The following GAA variants were observed in gnomAD, a reference collection of about 807,000 sequenced individuals.
GAA encodes lysosomal alpha-glucosidase.
In GAA, 88 loss-of-function variants were observed where a neutral mutation model predicts 103.9. The observed-to-expected ratio is 0.85, with a 90% CI of 0.71 to 1.01. The LOEUF is 1.01. GAA is among the 50% of genes least tolerant of loss of function. GAA has a pLI of 0.00. For synonymous variants in GAA, 572 were observed against 563.1 expected, an observed-to-expected ratio of 1.02 and a Z score of -0.22; for missense variants, 1,350 against 1,305.3, an observed-to-expected ratio of 1.03 and a Z score of -0.53.
chr17:80,109,770 G>A (rs1437753031), intron 8 of GAA, among the ~76,000 whole-genome samples, 175 bp from the exon 9 acceptor site: 2 of 152,204 alleles, frequency 1.3e-5, no homozygotes, highest in Non-Finnish European at 2.9e-5. Flanking sequence ...TGACTCGCCC[G>A]GCCCTGGCTC....
At position 80,104,959 on chromosome 17, in the gene GAA, C is replaced by T; in HGVS notation, c.373C>T (p.Pro125Ser). ...QGLQGAQMGQPWCFFPPSYPS... is the reference protein window; with the variant it reads ...QGLQGAQMGQSWCFFPPSYPS... ...GCTGCAGGGAGCCCAGATGGGGCAGCCCTGGTGCTTCTTCCCACCCAGCTA... is the reference window on the plus strand; with the variant it reads ...GCTGCAGGGAGCCCAGATGGGGCAGTCCTGGTGCTTCTTCCCACCCAGCTA... The change falls in exon 2 of 20, where the codon CCC becomes TCC. Residue 125 changes from proline to serine, a missense_variant. Transcript: ENST00000302262. The surrounding 1 kb of genome is among the most constrained non-coding windows in gnomAD (Gnocchi z 4.0). 6.2e-7 allele frequency: 1 copy of T among 1,612,526 alleles called. No individual in the cohort carries two copies. Among genetic ancestry groups the T allele is most frequent in the South Asian group, 1.1e-5 (1 of 91,060 alleles).
intron 12 of GAA, 26 bp from the exon 13 acceptor site, chr17:80,112,552 C>A: frequency 1.9e-6 from 3 of 1,612,750 alleles, no homozygotes; most frequent in Non-Finnish European, 2.5e-6. Flanking sequence ...TCCACACAGC[C>A]CTCACGGTGT....
chr17:80,107,423 G>A (rs2039112207), intron 3 of GAA, 134 bp from the exon 4 acceptor site: 2 of 1,152,736 alleles, frequency 1.7e-6, no homozygotes, highest in Non-Finnish European at 1.3e-6. Context: ...CCTGTCCCAG[G>A]GTCAGTGTGC....
chr17:80,108,598 C>A lies in GAA; in HGVS notation c.1185C>A (p.His395Gln). Residue 395 changes from histidine (H) to glutamine (Q), a missense_variant, in exon 7 of 20, where the codon CAC (histidine) becomes CAA (glutamine). Coordinates refer to ENST00000302262, the MANE Select transcript of GAA (RefSeq NM_000152.5). ...TGGTGGAGAACATGACCAGGGCCCACTTCCCCCTGGTGAGTTGGGGTGGTG... is the reference window on the plus strand; with the variant it reads ...TGGTGGAGAACATGACCAGGGCCCAATTCCCCCTGGTGAGTTGGGGTGGTG... The part of the protein sequence containing the change: ...RQVVENMTRA[H>Q]FPLDVQWNDL... The A allele has an allele frequency of 6.2e-7, 1 of 1,612,840 alleles. No individual in the cohort carries two copies.
chr17:80,111,850 GC>G (rs2039242889), intron 11 of GAA, 132 bp from the exon 12 acceptor site: 1 of 697,812 alleles, frequency 1.4e-6, no homozygotes, highest in African/African-American at 1.7e-5. Context: ...GGGAGCGGCT[GC>G]AGGTGCACCT....
chr17:80,112,574 C>T lies in GAA; in HGVS notation c.1755-4C>T, dbSNP rs2039261117. The T allele has an allele frequency of 6.2e-7, 1 of 1,612,854 alleles. No individual in the cohort carries two copies. The highest frequency in any genetic ancestry group is 8.5e-7 in the Non-Finnish European group (1 of 1,179,948). ...AGCCCTCACGGTGTCCCCCACCACC[C>T]CAGGGCGCTGGTGAAGGCTCGGGGG... is the stretch of plus-strand genomic sequence containing the variant. On this transcript the variant is annotated splice_region_variant and splice_polypyrimidine_tract_variant and intron_variant, in intron 12 of 19. Transcript: ENST00000302262.
intron 17 of GAA, 61 bp downstream of exon 17, chr17:80,117,810 C>A: frequency 6.6e-7 from 1 of 1,522,218 alleles, no homozygotes; most frequent in Non-Finnish European, 8.8e-7. Flanking sequence ...CTGGGGGAGG[C>A]ACAGGGAGAT....
rs780674083 is a variant in GAA, at chr17:80,108,722, A to G, written c.1220A>G (p.Tyr407Cys). The stretch of plus-strand genomic sequence containing the variant: ...GACGTCCAGTGGAACGACCTGGACT[A>G]CATGGACTCCCGGAGGGACTTCACG... Reference protein sequence around the residue: ...PLDVQWNDLDYMDSRRDFTFN... With the variant: ...PLDVQWNDLDCMDSRRDFTFN... Residue 407 changes from tyrosine (Y) to cysteine (C), a missense_variant, in exon 8 of 20, where the codon TAC (tyrosine) becomes TGC (cysteine). Transcript: ENST00000302262. 2.5e-6 allele frequency: 4 copies of G among 1,612,586 alleles called. No homozygotes were observed. The Admixed American group carries it at 6.7e-5, about 27-fold the overall frequency.
At chr17:80,116,841 A>C in intron 15 of GAA, 127 bp from the exon 16 acceptor site, 1 of 1,059,148 alleles carries the variant, frequency 9.4e-7, no homozygotes, top group Admixed American at 1.8e-5. Context: ...GAGTCCTCCA[A>C]GTCCTCCGGC....
In GAA at chr17:80,113,349, C is replaced by T. The variant is rs2039292373; in HGVS notation, c.2172C>T (p.Ala724=). 1 of 1,585,784 alleles carries T rather than the reference C, an allele frequency of 6.3e-7. No homozygotes were observed. Residue 724 remains alanine, a synonymous_variant, in exon 15 of 20, where the codon GCC becomes GCT. Transcript: ENST00000302262. The part of the protein sequence containing the change: ...HQAHVAGETV[A]RPLFLEFPKD... ...CCCACGTCGCGGGGGAGACCGTGGC[C>T]CGGCCCCTCTTCCTGGAGTGAGTGA... is the stretch of plus-strand genomic sequence containing the variant.
At chr17:80,110,312 G>A (rs965722970) in intron 9 of GAA, among the ~76,000 whole-genome samples, 1 of 152,220 alleles carries the variant, frequency 6.6e-6, no homozygotes, top group African/African-American at 2.4e-5. Flanking sequence ...CCCTCAGTGA[G>A]GCCTTAGGGT....
chr17:80,117,572 G>A (rs777441343), intron 16 of GAA, 28 bp from the exon 17 acceptor site: 39 of 1,612,758 alleles, frequency 2.4e-5, no homozygotes, highest in Non-Finnish European at 3.1e-5. Context: ...GCACGGCCCA[G>A]AATCCTCAAA....
intron 9 of GAA, among the ~76,000 whole-genome samples, 190 bp from the exon 10 acceptor site, chr17:80,110,537 T>C (rs1391131644): frequency 6.6e-6 from 1 of 152,230 alleles, no homozygotes; most frequent in Non-Finnish European, 1.5e-5. Flanking sequence ...TGAGGCCCCT[T>C]GGCCCCGCAT....
rs376229714 is a variant in GAA, at chr17:80,105,775, C to A, written c.573C>A (p.Tyr191Ter). The change falls in exon 3 of 20, where the codon TAC becomes TAA. Residue 191 changes from tyrosine to a stop codon, truncating the protein, a stop_gained. Transcript: ENST00000302262. LOFTEE classifies it high-confidence loss of function. The stretch of plus-strand genomic sequence containing the variant: ...TCAAAGATCCAGCTAACAGGCGCTA[C>A]GAGGTGCCCTTGGAGACCCCGCATG... ...FTIKDPANRR[Y>*]EVPLETPHVH... is the part of the protein sequence containing the mutation. The A allele has an allele frequency of 1.9e-6, 3 of 1,612,358 alleles. No homozygotes were observed. Among genetic ancestry groups the A allele is most frequent in the Admixed American group, 3.3e-5 (2 of 60,026 alleles).
At chr17:80,103,271 C>G (rs906734035) in intron 1 of GAA, among the ~76,000 whole-genome samples, 1 of 152,226 alleles carries the variant, frequency 6.6e-6, no homozygotes, top group Non-Finnish European at 1.5e-5. Context: ...GCCTCTGCTC[C>G]AAGGCCCGTT....
intron 15 of GAA, among the ~76,000 whole-genome samples, chr17:80,114,194 G>A (rs369982617): frequency 2.2e-4 from 33 of 151,962 alleles, no homozygotes; most frequent in Middle Eastern, 3.4e-3. Context: ...AACATGGACT[G>A]TAACAGCAGA....
At chr17:80,110,160 C>G in intron 9 of GAA, 105 bp downstream of exon 9, 13 of 880,472 alleles carry the variant, frequency 1.5e-5, no homozygotes, top group Non-Finnish European at 2.4e-5. Flanking sequence ...GCCATCACGC[C>G]CAGTGGGACA....
chr17:80,117,490 G>A (rs2143923424), intron 16 of GAA, 110 bp from the exon 17 acceptor site: 1 of 1,296,672 alleles, frequency 7.7e-7, no homozygotes, highest in Non-Finnish European at 1.1e-6. Context: ...GTCTGTGCCA[G>A]GCCTCCTAGG....
chr17:80,110,462 T>C (rs1303356978), intron 9 of GAA, among the ~76,000 whole-genome samples: 1 of 152,234 alleles, frequency 6.6e-6, no homozygotes, highest in African/African-American at 2.4e-5. Context: ...TCCCTGACGC[T>C]CTCTGGTTCT....
Sources: allele counts gnomAD v4.1 joint callset (sites outside exome capture counted in the v4.1 genomes callset), GRCh38; gene constraint gnomAD v4.1.1; non-coding constraint Gnocchi (gnomAD v3.1); transcripts MANE v1.5; gene names NCBI Gene and HGNC (gene_info 2026-07-23, HGNC 2026-07-21).